ANKUB1: variants seen among roughly 807,000 people sequenced by gnomAD.
ANKUB1 encodes the protein ankyrin repeat and ubiquitin domain containing 1.
In ANKUB1, 42 loss-of-function variants were observed where a neutral mutation model predicts 49.3. That is an observed-to-expected ratio of 0.85 (90% CI 0.67 to 1.10). The LOEUF (loss-of-function observed/expected upper bound fraction) is 1.10. Ranked by LOEUF, ANKUB1 falls within the 50% of genes least tolerant of loss-of-function variation. The pLI, the probability that ANKUB1 is intolerant of heterozygous loss-of-function variation, is 0.00. For synonymous variants in ANKUB1, 222 were observed against 231.0 expected (o/e 0.96, Z 0.35); for missense variants, 613 against 642.0 (o/e 0.95, Z 0.49).
chr3:149,774,392 C>A (rs1167767058), intron 3 of ANKUB1, among the ~76,000 whole-genome samples: 1 of 152,212 alleles, frequency 6.6e-6, no homozygotes, highest in African/African-American at 2.4e-5. Flanking sequence ...CGACTGACAG[C>A]TGCAGACTGA....
In ANKUB1 at chr3:149,767,995, C is replaced by T. The variant is rs568985802; in HGVS notation, c.667G>A (p.Gly223Ser). ...KQGARPHEAV[G>S]VHPYRAWCHE... ...CACCATGCTCGATAGGGGTGAACAC[C>T]GACTGCCTCGTGGGGCCGCGCACCC... is the stretch of plus-strand genomic sequence containing the variant. Residue 223 changes from glycine to serine, a missense_variant, in exon 5 of 6, where the codon GGT (glycine) becomes AGT (serine). By Grantham distance (56) the Gly-to-Ser change is moderately conservative. Transcript: ENST00000446160. 9.4e-5 allele frequency: 143 copies of T among 1,517,180 alleles called. No individual in the cohort carries two copies. Among genetic ancestry groups the T allele is most frequent in the East Asian group, 8.2e-4 (33 of 40,456 alleles). The allele number at this position is 1,517,180 out of a possible 1,614,324, so 94.0% of individuals were successfully genotyped here. A position where few individuals can be genotyped will look rare whatever the true frequency, so the allele number is the denominator to read the frequency against.
In ANKUB1 at chr3:149,777,708, T is replaced by A. The variant is rs548825785; in HGVS notation, c.451+2531A>T. 3.7e-4 allele frequency among the ~76,000 whole-genome samples: 57 copies of A among 152,326 alleles called. No individual in the cohort carries two copies. In the Middle Eastern group the frequency reaches 0.024, roughly 64 times the overall value. On this transcript the variant is annotated intron_variant, in intron 3 of 5. Coordinates refer to ENST00000446160, the MANE Select transcript of ANKUB1 (RefSeq NM_001144960.3). Reference sequence around the variant, plus strand: ...TCCCTTCCTCCTCTCAGATGATCCATGGTTCCCACATCTGTGTGTGCTCCA... The same window carrying A: ...TCCCTTCCTCCTCTCAGATGATCCAAGGTTCCCACATCTGTGTGTGCTCCA...
intron 5 of ANKUB1, among the ~76,000 whole-genome samples, chr3:149,766,109 C>T (rs1200324999): frequency 6.6e-6 from 1 of 152,100 alleles, no homozygotes; most frequent in Non-Finnish European, 1.5e-5. Context: ...CAAATAATAC[C>T]TCATAAGTAA....
At chr3:149,765,880 A>G (rs1269685103) in intron 5 of ANKUB1, among the ~76,000 whole-genome samples, 2 of 152,200 alleles carry the variant, frequency 1.3e-5, no homozygotes, top group East Asian at 3.9e-4. Flanking sequence ...CTCTATTGTC[A>G]ACCTCACTCT....
At chr3:149,787,432 T>C (rs1226152241) in intron 2 of ANKUB1, among the ~76,000 whole-genome samples, 1 of 152,228 alleles carries the variant, frequency 6.6e-6, no homozygotes, top group African/African-American at 2.4e-5. Flanking sequence ...ATCCTGAGAC[T>C]TTGCTGAAGT....
intron 3 of ANKUB1, among the ~76,000 whole-genome samples, chr3:149,775,741 C>A (rs1717563489): frequency 1.3e-5 from 2 of 152,072 alleles, no homozygotes; most frequent in South Asian, 4.1e-4. Context: ...GGATGAATGC[C>A]AGTTTATGAA....
chr3:149,767,365 T>C lies in ANKUB1; in HGVS notation c.1297A>G (p.Thr433Ala), dbSNP rs559189635. The C allele has an allele frequency of 1.9e-6, 3 of 1,550,956 alleles. No individual in the cohort carries two copies. In the East Asian group the frequency reaches 7.3e-5, roughly 38 times the overall value. The part of the protein sequence containing the change: ...QQQNQKKITA[T>A]ARKKEKLIKN... The stretch of plus-strand genomic sequence containing the variant: ...ATGAGCTTTTCTTTTTTCCTAGCTG[T>C]GGCAGTAATTTTTTTCTGATTTTGT... The change falls in exon 5 of 6, where the codon ACA becomes GCA. Residue 433 changes from threonine to alanine, a missense_variant. By Grantham distance (58) the Thr-to-Ala change is moderately conservative. Coordinates refer to ENST00000446160, the MANE Select transcript of ANKUB1 (RefSeq NM_001144960.3).
chr3:149,773,983 A>G (rs1276277381), intron 3 of ANKUB1, among the ~76,000 whole-genome samples: 1 of 152,022 alleles, frequency 6.6e-6, no homozygotes, highest in Non-Finnish European at 1.5e-5. Flanking sequence ...ACACAGCGAG[A>G]CCCCATCTCT....
chr3:149,773,121 C>G (rs971768923), intron 3 of ANKUB1, among the ~76,000 whole-genome samples: 1 of 152,126 alleles, frequency 6.6e-6, no homozygotes, highest in Non-Finnish European at 1.5e-5. Flanking sequence ...GAGAGTCTCC[C>G]CCTTTCAGTT....
chr3:149,781,849 C>G (rs980679035), intron 2 of ANKUB1, among the ~76,000 whole-genome samples: 2 of 152,136 alleles, frequency 1.3e-5, no homozygotes, highest in Non-Finnish European at 2.9e-5. Flanking sequence ...TGTGGCTGTG[C>G]ATGAAGCCAG....
intron 1 of ANKUB1, among the ~76,000 whole-genome samples, chr3:149,792,031 A>G (rs1166883436): frequency 6.6e-6 from 1 of 152,154 alleles, no homozygotes; most frequent in Non-Finnish European, 1.5e-5. Context: ...ATTCCCTAAA[A>G]AGAAGTCAGA....
At chr3:149,770,366 A>AGTC (rs950888311) in intron 4 of ANKUB1, among the ~76,000 whole-genome samples, 194 bp downstream of exon 4, 1 of 152,224 alleles carries the variant, frequency 6.6e-6, no homozygotes, top group Non-Finnish European at 1.5e-5. Flanking sequence ...CAAGACTATC[A>AGTC]GTCCTGATGG....
At chr3:149,781,462 G>T (rs1246285102) in intron 2 of ANKUB1, among the ~76,000 whole-genome samples, 2 of 152,122 alleles carry the variant, frequency 1.3e-5, no homozygotes, top group African/African-American at 4.8e-5. Context: ...CCTGTTGTTG[G>T]GTTGGCAGAT....
intron 2 of ANKUB1, among the ~76,000 whole-genome samples, chr3:149,785,696 T>C (rs1408528479): frequency 6.6e-6 from 1 of 152,194 alleles, no homozygotes; most frequent in African/African-American, 2.4e-5. Context: ...GTCTTTACTG[T>C]TGTGAATAGT....
intron 3 of ANKUB1, chr3:149,778,425 G>T (rs755098132): frequency 1.3e-5 from 2 of 152,054 alleles, no homozygotes; most frequent in Admixed American, 6.6e-5. Flanking sequence ...TAAAAGTTGG[G>T]GTTGGGTCAA....
Position 149,779,016 on chromosome 3 carries a change from T to C in ANKUB1, c.451+1223A>G, listed in dbSNP as rs971290965. On this transcript the variant is annotated intron_variant, in intron 3 of 5. Coordinates refer to ENST00000446160, the MANE Select transcript of ANKUB1 (RefSeq NM_001144960.3). The stretch of plus-strand genomic sequence containing the variant: ...AGGTTCTAACCATTTTTAAAAAGTG[T>C]GAAATGTTTCATGAACTTGTGTGTC... 7 of 152,326 alleles carry C rather than the reference T, an allele frequency of 4.6e-5. No homozygotes were observed. The East Asian group carries it at 1.4e-3, about 29-fold the overall frequency. 9.4% of individuals were successfully genotyped at this position (152,326 alleles called of 1,614,324 possible).
Position 149,767,680 on chromosome 3 carries a change from G to C in ANKUB1, c.982C>G (p.Leu328Val). The C allele has an allele frequency of 6.4e-7, 1 of 1,551,642 alleles. No individual in the cohort carries two copies. The highest frequency in any genetic ancestry group is 8.7e-7 in the Non-Finnish European group (1 of 1,146,998). ...QWILRAQSHS[L>V]HKSQFCGARV... ...GCTCCACAAAACTGGCTTTTATGAA[G>C]ACTGTGACTCTGAGCTCTGAGGATC... Residue 328 changes from leucine to valine, a missense_variant, in exon 5 of 6, where the codon CTT becomes GTT. Transcript: ENST00000446160.
chr3:149,788,532 G>T (rs375485326), intron 2 of ANKUB1, among the ~76,000 whole-genome samples: 1 of 151,824 alleles, frequency 6.6e-6, no homozygotes, highest in Non-Finnish European at 1.5e-5. Context: ...TAGAGATGGG[G>T]TCTCACCATC....
intron 2 of ANKUB1, among the ~76,000 whole-genome samples, chr3:149,785,849 A>G (rs961163201): frequency 4.6e-5 from 7 of 152,116 alleles, no homozygotes; most frequent in African/African-American, 1.7e-4. Flanking sequence ...GTCTTCCACA[A>G]TGATTGAACT....
Sources: allele counts gnomAD v4.1 joint callset (sites outside exome capture counted in the v4.1 genomes callset), GRCh38; gene constraint gnomAD v4.1.1; transcripts MANE v1.5; gene names NCBI Gene and HGNC (gene_info 2026-07-23, HGNC 2026-07-21).